Variants in RBSN observed in about 807,000 individuals in gnomAD.
RBSN encodes rabenosyn-5.
In RBSN, 34 loss-of-function variants were observed where a neutral mutation model predicts 60.5. That is an observed-to-expected ratio of 0.56 (90% CI 0.43 to 0.75). The LOEUF (loss-of-function observed/expected upper bound fraction) is 0.75, where lower values mean the gene tolerates loss of function less well. Ranked by LOEUF, RBSN falls within the 30% of genes least tolerant of loss-of-function variation. The pLI is 0.00. For missense variants in RBSN, 845 were observed against 986.8 expected, an observed-to-expected ratio of 0.86 and a Z score of 1.92; for synonymous variants, 322 against 366.9, an observed-to-expected ratio of 0.88 and a Z score of 1.40.
chr3:15,080,346 C>G (rs914027095), intron 10 of RBSN, among the ~76,000 whole-genome samples: 1 of 152,070 alleles, frequency 6.6e-6, no homozygotes, highest in Non-Finnish European at 1.5e-5. Context: ...AGCCCTGACA[C>G]CTCAATGTGA....
intron 4 of RBSN, chr3:15,091,247 TACCTCAG>T: frequency 5.6e-6 from 1 of 179,752 alleles, no homozygotes; most frequent in Non-Finnish European, 8.2e-6. Flanking sequence ...ATTAAAACTA[TACCTCAG>T]TTAAAATAAT....
rs762757915 is a variant in RBSN at position 15,074,298 on chromosome 3, C to G, written c.1839G>C (p.Gln613His). 1 of 1,614,088 alleles carries G rather than the reference C, an allele frequency of 6.2e-7. No homozygotes were observed. The highest frequency in any genetic ancestry group is 1.1e-5 in the South Asian group (1 of 91,072). The change falls in exon 14 of 14, where the codon CAG becomes CAC. Residue 613 changes from glutamine to histidine, a missense_variant. Gln to His is a conservative substitution (Grantham distance 24, BLOSUM62 0). Coordinates refer to ENST00000253699, the MANE Select transcript of RBSN (RefSeq NM_022340.4). The surrounding 1 kb of genome is among the most constrained non-coding windows in gnomAD (Gnocchi z 6.4). ...CCTCATGTTGCTGTGGCATGCTGCT[C>G]TGGGGTAAGCGCTCCTGGCCAACGG... is the stretch of plus-strand genomic sequence containing the variant. ...PPAVGQERLP[Q>H]SSMPQQHEGP...
intron 11 of RBSN, 29 bp downstream of exon 11, chr3:15,078,046 C>T (rs755839443): frequency 1.1e-5 from 17 of 1,587,440 alleles, no homozygotes; most frequent in African/African-American, 6.7e-5. Flanking sequence ...ATTCCACCAG[C>T]GGGCAGGATA....
intron 12 of RBSN, 117 bp from the exon 13 acceptor site, chr3:15,075,827 A>G: frequency 1.3e-6 from 1 of 770,934 alleles, no homozygotes; most frequent in Non-Finnish European, 2.2e-6. Flanking sequence ...GAGTGACATC[A>G]TTTGACAGCA....
intron 12 of RBSN, among the ~76,000 whole-genome samples, chr3:15,076,482 A>G (rs950444767): frequency 1.3e-5 from 2 of 152,214 alleles, no homozygotes; most frequent in Non-Finnish European, 2.9e-5. Flanking sequence ...TTAAAAAAAA[A>G]GAAAAAAACA....
Position 15,082,641 on chromosome 3 carries a change from C to T in RBSN, c.599-33G>A. ...CACAACACCAACAGGCAGCAATGAC[C>T]CCCACAGCATCCAATTACCATACCC... On this transcript the variant is annotated intron_variant, in intron 8 of 13. Coordinates refer to ENST00000253699, the MANE Select transcript of RBSN (RefSeq NM_022340.4). This position sits in a 1 kb window ranked among gnomAD's most constrained non-coding sequence, Gnocchi z 4.2. 1 of 1,607,390 alleles carries T rather than the reference C, an allele frequency of 6.2e-7. No individual in the cohort carries two copies. Among genetic ancestry groups the T allele is most frequent in the East Asian group, 2.2e-5 (1 of 44,684 alleles).
At position 15,077,479 on chromosome 3, in the gene RBSN, C is replaced by T. The variant is rs1307217772; in HGVS notation, c.999-315G>A. Among the ~76,000 whole-genome samples, 1 of 152,200 alleles carries T rather than the reference C, an allele frequency of 6.6e-6. No individual in the cohort carries two copies. The highest frequency in any genetic ancestry group is 1.5e-5 in the Non-Finnish European group (1 of 68,038). Reference sequence around the variant, plus strand: ...GCCCTGTGCTTGGTTTAATGCTCTGCTGTTAGTGTCTTTATTCTTAATAAC... The same window carrying T: ...GCCCTGTGCTTGGTTTAATGCTCTGTTGTTAGTGTCTTTATTCTTAATAAC... On this transcript the variant is annotated intron_variant, in intron 11 of 13. Coordinates refer to ENST00000253699, the MANE Select transcript of RBSN (RefSeq NM_022340.4). This position sits in a 1 kb window ranked among gnomAD's most constrained non-coding sequence, Gnocchi z 4.4.
chr3:15,089,428 C>A (rs1447805474), intron 5 of RBSN, among the ~76,000 whole-genome samples: 1 of 128,476 alleles, frequency 7.8e-6, no homozygotes, highest in African/African-American at 2.9e-5. Flanking sequence ...TGGACTCCAG[C>A]CTGGGTGACA....
At chr3:15,085,555 T>C (rs76989091) in intron 6 of RBSN, among the ~76,000 whole-genome samples, 17 of 152,300 alleles carry the variant, frequency 1.1e-4, no homozygotes, top group African/African-American at 3.8e-4. Context: ...CACTGGATGA[T>C]TGTGCCTGGG....
chr3:15,078,078 A>G lies in RBSN; in HGVS notation c.995T>C (p.Leu332Ser), dbSNP rs1207925017. 2.5e-6 allele frequency: 4 copies of G among 1,613,828 alleles called. No individual in the cohort carries two copies. Among genetic ancestry groups the G allele is most frequent in the Non-Finnish European group, 3.4e-6 (4 of 1,179,836 alleles). Residue 332 changes from leucine to serine, a missense_variant, in exon 11 of 14, where the codon TTA becomes TCA. Transcript: ENST00000253699. ...VQKVYELIDA[L>S]SKKILTLGLN... ...GATACCACTTAATGGACCTTACCTT[A>G]AAGCGTCTATCAGCTCATACACTTT...
At chr3:15,078,440 T>G (rs944855931) in intron 10 of RBSN, among the ~76,000 whole-genome samples, 1 of 152,188 alleles carries the variant, frequency 6.6e-6, no homozygotes. Flanking sequence ...CTGAATTTAC[T>G]CTGGCCTACT....
At chr3:15,090,136 G>A (rs763837281) in intron 5 of RBSN, among the ~76,000 whole-genome samples, 1 of 151,598 alleles carries the variant, frequency 6.6e-6, no homozygotes, top group Non-Finnish European at 1.5e-5. Flanking sequence ...TTTACTCACT[G>A]TTTGTCCCTG....
chr3:15,087,241 G>A (rs1053721345), intron 5 of RBSN, among the ~76,000 whole-genome samples: 3 of 152,090 alleles, frequency 2.0e-5, no homozygotes, highest in African/African-American at 7.2e-5. Flanking sequence ...CAGGCCAGGT[G>A]CGGTGGCTCA....
intron 10 of RBSN, 118 bp downstream of exon 10, chr3:15,080,614 G>T: frequency 1.1e-6 from 1 of 949,382 alleles, no homozygotes; most frequent in Non-Finnish European, 1.6e-6. Flanking sequence ...ACTTCAGCTG[G>T]TCTCAGAAAA....
chr3:15,080,810 C>G lies in RBSN; in HGVS notation c.841-8G>C. On this transcript the variant is annotated splice_polypyrimidine_tract_variant and splice_region_variant and intron_variant, in intron 9 of 13. Transcript: ENST00000253699. ...CATGCAAAGTCGTAATTTCTAAGAA[C>G]AAAAACAAAGAGGTAAGTGGTATGC... 6.2e-7 allele frequency: 1 copy of G among 1,613,682 alleles called. No homozygotes were observed. Among genetic ancestry groups the G allele is most frequent in the Non-Finnish European group, 8.5e-7 (1 of 1,179,698 alleles).
In RBSN at chr3:15,084,125, T is replaced by C. The variant is rs2043278023; in HGVS notation, c.598+610A>G. 6.6e-6 allele frequency among the ~76,000 whole-genome samples: 1 copy of C among 152,178 alleles called. No homozygotes were observed. Among genetic ancestry groups the C allele is most frequent in the Admixed American group, 6.5e-5 (1 of 15,280 alleles). The stretch of plus-strand genomic sequence containing the variant: ...TCACATTGCTATTTTATTTTATTTA[T>C]TTATTTTTTTGAGATGGGAGTCTCG... On this transcript the variant is annotated intron_variant, in intron 8 of 13. Transcript: ENST00000253699. This position sits in a 1 kb window ranked among gnomAD's most constrained non-coding sequence, Gnocchi z 4.2.
chr3:15,090,432 C>A lies in RBSN; in HGVS notation c.256G>T (p.Val86Phe). Residue 86 changes from valine (V) to phenylalanine (F), a missense_variant, in exon 5 of 14, where the codon GTT becomes TTT. Val to Phe is a conservative substitution (Grantham distance 50). Transcript: ENST00000253699. ...QGYESFSYGG[V>F]DPYMWEPQEL... is the part of the protein sequence containing the mutation. ...TGGGGTTCCCACATGTAAGGATCAACCCCTCCATAGCTGAAAGACTCATAT... is the reference window on the plus strand; with the variant it reads ...TGGGGTTCCCACATGTAAGGATCAAACCCTCCATAGCTGAAAGACTCATAT... 1 of 1,614,148 alleles carries A rather than the reference C, an allele frequency of 6.2e-7. No individual in the cohort carries two copies. Among genetic ancestry groups the A allele is most frequent in the African/African-American group, 1.3e-5 (1 of 75,034 alleles).
chr3:15,081,714 C>G (rs902803627), intron 9 of RBSN, among the ~76,000 whole-genome samples: 9 of 152,248 alleles, frequency 5.9e-5, no homozygotes, highest in African/African-American at 1.9e-4. Flanking sequence ...GGGCTGATCT[C>G]TTCCCTGCAT....
intron 4 of RBSN, among the ~76,000 whole-genome samples, chr3:15,094,318 C>G (rs959795263): frequency 6.6e-6 from 1 of 152,150 alleles, no homozygotes; most frequent in African/African-American, 2.4e-5. Context: ...TGCTTCATTT[C>G]CCCCAGGAAG....
Sources: allele counts gnomAD v4.1 joint callset (sites outside exome capture counted in the v4.1 genomes callset), GRCh38; gene constraint gnomAD v4.1.1; non-coding constraint Gnocchi (gnomAD v3.1); transcripts MANE v1.5; gene names NCBI Gene and HGNC (gene_info 2026-07-23, HGNC 2026-07-21).